The following PROZ variants were observed in gnomAD, a reference collection of about 807,000 sequenced individuals.
PROZ encodes vitamin K-dependent protein Z.
Under a neutral mutation model 34.9 loss-of-function variants are expected in PROZ, and 46 were observed. The observed-to-expected ratio is 1.32, with a 90% CI of 1.04 to 1.69. The LOEUF (loss-of-function observed/expected upper bound fraction) is 1.69, where lower values mean the gene tolerates loss of function less well. Ranked by LOEUF, PROZ falls within the 40% of genes most tolerant of loss-of-function variation. PROZ has a pLI of 0.00. For synonymous variants in PROZ, 195 were observed against 208.5 expected, an observed-to-expected ratio of 0.94 and a Z score of 0.56; for missense variants, 530 against 520.4, an observed-to-expected ratio of 1.02 and a Z score of -0.18.
intron 3 of PROZ, 132 bp downstream of exon 3, chr13:113,161,104 C>T: frequency 1.2e-6 from 1 of 829,146 alleles, no homozygotes. Context: ...GGTGTCTCTC[C>T]AGGGAAGGGC....
At position 113,171,671 on chromosome 13, in the gene PROZ, G is replaced by T. The variant is rs189464617; in HGVS notation, c.769G>T (p.Ala257Ser). 1 of 1,613,916 alleles carries T rather than the reference G, an allele frequency of 6.2e-7. No homozygotes were observed. Among genetic ancestry groups the T allele is most frequent in the African/African-American group, 1.3e-5 (1 of 74,944 alleles). Reference sequence around the variant, plus strand: ...TGTGCACATGCGGTATGACGCGGACGCGGGGGAGAATGACCTGTCACTGCT... The same window carrying T: ...TGTGCACATGCGGTATGACGCGGACTCGGGGGAGAATGACCTGTCACTGCT... ...VHVHMRYDADAGENDLSLLEL... is the reference protein window; with the variant it reads ...VHVHMRYDADSGENDLSLLEL... Residue 257 changes from alanine to serine, a missense_variant, in exon 8 of 8, where the codon GCG becomes TCG. Ala to Ser is a moderately conservative substitution (Grantham distance 99). Coordinates refer to ENST00000375547, the MANE Select transcript of PROZ (RefSeq NM_003891.3). This position sits in a 1 kb window ranked among gnomAD's most constrained non-coding sequence, Gnocchi z 5.1.
rs1385845447 is a variant in PROZ at position 113,171,816 on chromosome 13, G to A, written c.914G>A (p.Arg305His). Reference protein sequence around the residue: ...RTRGLLSGWARNGTDLGNSLT... With the variant: ...RTRGLLSGWAHNGTDLGNSLT... The stretch of plus-strand genomic sequence containing the variant: ...AGGGGCCTCCTCAGCGGCTGGGCAC[G>A]CAATGGCACTGACCTGGGCAACTCG... The change falls in exon 8 of 8, where the codon CGC (arginine) becomes CAC (histidine). Residue 305 changes from arginine to histidine, a missense_variant. Coordinates refer to ENST00000375547, the MANE Select transcript of PROZ (RefSeq NM_003891.3). This position sits in a 1 kb window ranked among gnomAD's most constrained non-coding sequence, Gnocchi z 5.1. 4 of 1,613,486 alleles carry A rather than the reference G, an allele frequency of 2.5e-6. No homozygotes were observed. Among genetic ancestry groups the A allele is most frequent in the East Asian group, 2.2e-5 (1 of 44,874 alleles).
rs758194401 is a variant in PROZ at position 113,164,644 on chromosome 13, G to C, written c.505G>C (p.Asp169His). 1.2e-6 allele frequency: 2 copies of C among 1,613,534 alleles called. No homozygotes were observed. Among genetic ancestry groups the C allele is most frequent in the Non-Finnish European group, 1.7e-6 (2 of 1,179,948 alleles). ...GEDHKQCVPH[D>H]QCACGVLTSE... ...GGACCACAAACAGTGTGTGCCCCAC[G>C]GTGAGTGCTCAGACCACAGCGGCCT... Residue 169 changes from aspartate (D) to histidine (H), a missense_variant and splice_region_variant, in exon 5 of 8, where the codon GAC becomes CAC. Physicochemically the swap from Asp to His is moderately conservative, Grantham distance 81 (BLOSUM62 -1). Coordinates refer to ENST00000375547, the MANE Select transcript of PROZ (RefSeq NM_003891.3).
intron 6 of PROZ, among the ~76,000 whole-genome samples, chr13:113,168,663 T>C (rs1232707335): frequency 6.6e-6 from 1 of 152,272 alleles, no homozygotes; most frequent in Non-Finnish European, 1.5e-5. Flanking sequence ...TTCTTGCACA[T>C]AGGGTTTGTT....
chr13:113,159,928 G>C lies in PROZ; in HGVS notation c.71-86G>C. The C allele has an allele frequency of 6.5e-7, 1 of 1,531,472 alleles. No homozygotes were observed. Among genetic ancestry groups the C allele is most frequent in the Non-Finnish European group, 9.0e-7 (1 of 1,107,680 alleles). 94.9% of individuals were successfully genotyped at this position (1,531,472 alleles called of 1,614,324 possible). Reference sequence around the variant, plus strand: ...GTGGAGACGGACGGGGCTGGGGCTGGCGGCCGGCCGGGGAGGAAGCCAGGC... The same window carrying C: ...GTGGAGACGGACGGGGCTGGGGCTGCCGGCCGGCCGGGGAGGAAGCCAGGC... On this transcript the variant is annotated intron_variant, in intron 1 of 7. Coordinates refer to ENST00000375547, the MANE Select transcript of PROZ (RefSeq NM_003891.3). The surrounding 1 kb of genome is among the most constrained non-coding windows in gnomAD (Gnocchi z 4.6).
chr13:113,164,754 T>A, intron 5 of PROZ, 110 bp downstream of exon 5: 1 of 1,509,952 alleles, frequency 6.6e-7, no homozygotes, highest in Non-Finnish European at 9.0e-7. Flanking sequence ...GATAAGCAGT[T>A]GCCACGACTC....
chr13:113,168,984 C>A (rs567115200), intron 6 of PROZ, among the ~76,000 whole-genome samples: 4 of 152,318 alleles, frequency 2.6e-5, no homozygotes, highest in Admixed American at 1.3e-4. Context: ...CCACCTCAGC[C>A]TCCCAAAGTG....
At chr13:113,161,923 CCTCCCCCCATCCTCCTCCT>C (rs2138576290) in intron 3 of PROZ, among the ~76,000 whole-genome samples, 1 of 18,624 alleles carries the variant, frequency 5.4e-5, no homozygotes, top group Non-Finnish European at 1.6e-4. Context: ...GTCCCTGCCA[CCTCCCCCCATCCTCCTCCT>C]GCTCAGGTCC....
At chr13:113,168,011 C>T (rs915546469) in intron 6 of PROZ, among the ~76,000 whole-genome samples, 19 of 152,256 alleles carry the variant, frequency 1.2e-4, no homozygotes, top group East Asian at 9.6e-4. Flanking sequence ...CTTTCGCCGA[C>T]GCCACATCCG....
chr13:113,170,338 C>T (rs952614301), intron 6 of PROZ, 75 bp from the exon 7 acceptor site: 1 of 901,922 alleles, frequency 1.1e-6, no homozygotes, highest in South Asian at 1.3e-5. Flanking sequence ...GTCCATATCC[C>T]TATCCAGTAG....
At chr13:113,163,966 C>CTT (rs34345554) in intron 4 of PROZ, among the ~76,000 whole-genome samples, 105,298 of 145,270 alleles carry the variant, frequency 0.72, 38,842 homozygotes, top group Middle Eastern at 0.82. Context: ...CTCATGGAGT[C>CTT]TTTTTTTTTT....
At chr13:113,161,680 G>A (rs931961324) in intron 3 of PROZ, among the ~76,000 whole-genome samples, 2 of 152,088 alleles carry the variant, frequency 1.3e-5, no homozygotes, top group Non-Finnish European at 2.9e-5. Context: ...CATCCGGAGC[G>A]GGGAGCGTCC....
At chr13:113,165,271 C>T (rs2036892911) in intron 6 of PROZ, 151 bp downstream of exon 6, 1 of 758,634 alleles carries the variant, frequency 1.3e-6, no homozygotes, top group Non-Finnish European at 2.3e-6. Flanking sequence ...ATTCACACTT[C>T]CAACCATGTT....
intron 3 of PROZ, 49 bp from the exon 4 acceptor site, chr13:113,162,960 G>A: frequency 9.9e-7 from 1 of 1,006,672 alleles, no homozygotes; most frequent in Non-Finnish European, 1.4e-6. Context: ...CTCCTGCTCA[G>A]GTCCCCGTTC....
chr13:113,160,129 C>CT lies in PROZ; in HGVS notation c.187dup (p.Cys63LeufsTer4). ...TGGAAAAAGAATGTTATGAAGAAAT[C>CT]TGTGTCTATGAAGAAGCAAGAGAAG... is the stretch of plus-strand genomic sequence containing the variant. On this transcript the variant is annotated frameshift_variant, in exon 2 of 8. Coordinates refer to ENST00000375547, the MANE Select transcript of PROZ (RefSeq NM_003891.3). LOFTEE classifies it high-confidence loss of function. The CT allele has an allele frequency of 6.2e-7, 1 of 1,614,126 alleles. No homozygotes were observed. Among genetic ancestry groups the CT allele is most frequent in the Non-Finnish European group, 8.5e-7 (1 of 1,180,022 alleles).
In PROZ at chr13:113,172,240, C is replaced by T. The variant is rs954601145; in HGVS notation, c.*135C>T. 14 of 1,279,568 alleles carry T rather than the reference C, an allele frequency of 1.1e-5. No homozygotes were observed. The highest frequency in any genetic ancestry group is 4.0e-5 in the Admixed American group (2 of 50,478). The allele number at this position is 1,279,568 out of a possible 1,614,324, so 79.3% of individuals were successfully genotyped here. A position where few individuals can be genotyped will look rare whatever the true frequency, so the allele number is the denominator to read the frequency against. On this transcript the variant is annotated 3_prime_UTR_variant, in exon 8 of 8. Coordinates refer to ENST00000375547, the MANE Select transcript of PROZ (RefSeq NM_003891.3). The stretch of plus-strand genomic sequence containing the variant: ...AGCCCCAGACCACCCGCTTGGCCCA[C>T]GCAGCAGCAGAGCCGCCGTTTGCTG...
Position 113,160,984 on chromosome 13 carries a change from C to T in PROZ, c.259+12C>T. 1 of 1,604,312 alleles carries T rather than the reference C, an allele frequency of 6.2e-7. No homozygotes were observed. The highest frequency in any genetic ancestry group is 1.1e-5 in the South Asian group (1 of 90,834). On this transcript the variant is annotated intron_variant, in intron 3 of 7. Coordinates refer to ENST00000375547, the MANE Select transcript of PROZ (RefSeq NM_003891.3). ...GAGACGATATAAGGGTAAGTGGTTT[C>T]CTTCGTCTCCTCAGAAGTATTAATT...
Position 113,164,658 on chromosome 13 carries a change from C to T in PROZ, c.505+14C>T. 6.2e-7 allele frequency: 1 copy of T among 1,613,180 alleles called. No homozygotes were observed. Among genetic ancestry groups the T allele is most frequent in the Non-Finnish European group, 8.5e-7 (1 of 1,179,868 alleles). The stretch of plus-strand genomic sequence containing the variant: ...GTGTGCCCCACGGTGAGTGCTCAGA[C>T]CACAGCGGCCTCCAGCTTCCAATGC... On this transcript the variant is annotated intron_variant, in intron 5 of 7. Coordinates refer to ENST00000375547, the MANE Select transcript of PROZ (RefSeq NM_003891.3).
In PROZ at chr13:113,163,134, G is replaced by C. The variant is rs536986677; in HGVS notation, c.373+12G>C. 1.3e-6 allele frequency: 2 copies of C among 1,541,924 alleles called. No homozygotes were observed. Among genetic ancestry groups the C allele is most frequent in the Non-Finnish European group, 8.8e-7 (1 of 1,138,412 alleles). On this transcript the variant is annotated intron_variant, in intron 4 of 7. Transcript: ENST00000375547. ...CAACTGCGAGCTGGGTGAGGCCCCGGCCGTCCCCTTCCCCCAAGGGCCTCC... is the reference window on the plus strand; with the variant it reads ...CAACTGCGAGCTGGGTGAGGCCCCGCCCGTCCCCTTCCCCCAAGGGCCTCC...
Sources: gnomAD v4.1 joint callset for allele counts (sites outside exome capture counted in the v4.1 genomes callset) on GRCh38, gnomAD v4.1.1 for gene constraint, Gnocchi (gnomAD v3.1) non-coding constraint, MANE v1.5 for transcripts, NCBI Gene and HGNC (gene_info 2026-07-23, HGNC 2026-07-21) for gene names.